LGSN: variants seen among roughly 807,000 people sequenced by gnomAD.
The protein encoded by LGSN is lengsin, lens protein with glutamine synthetase domain.
A neutral mutation model predicts 19.5 loss-of-function variants in LGSN; 21 were observed. The observed-to-expected ratio is 1.07, with a 90% CI of 0.76 to 1.55. The LOEUF (loss-of-function observed/expected upper bound fraction) is 1.55, where lower values mean the gene tolerates loss of function less well. Among genes scored for constraint, LGSN ranks in the 40% most tolerant of loss-of-function variants. LGSN has a pLI of 0.00. For synonymous variants in LGSN, 257 were observed against 215.6 expected (o/e 1.19, Z -1.68); for missense variants, 673 against 608.5 (o/e 1.11, Z -1.12).
the LGSN span, among the ~76,000 whole-genome samples, chr6:63,526,816 T>TATAC: frequency 7.0e-6 from 1 of 141,964 alleles, no homozygotes; most frequent in Non-Finnish European, 1.5e-5. Context: ...TATATATATA[T>TATAC]ATATATATAT....
At chr6:63,557,834 A>G in the LGSN span, among the ~76,000 whole-genome samples, 2 of 152,012 alleles carry the variant, frequency 1.3e-5, no homozygotes, top group African/African-American at 4.8e-5. Context: ...TCATTGGAGG[A>G]TTTTGAGAAA....
the LGSN span, among the ~76,000 whole-genome samples, chr6:63,331,279 T>C: frequency 7.9e-5 from 12 of 152,256 alleles, no homozygotes; most frequent in South Asian, 6.2e-4. Context: ...AGCTTGGACA[T>C]AAGGTATTTC....
At chr6:63,554,801 A>G in the LGSN span, among the ~76,000 whole-genome samples, 1 of 152,056 alleles carries the variant, frequency 6.6e-6, no homozygotes, top group Admixed American at 6.5e-5. Flanking sequence ...AAATGGAACA[A>G]TTTATCAAGC....
chr6:63,390,878 GA>G, the LGSN span, among the ~76,000 whole-genome samples: 2 of 121,046 alleles, frequency 1.7e-5, no homozygotes, highest in Middle Eastern at 4.3e-3. Context: ...AAAAAAAAAA[GA>G]AAAGAAAATT....
chr6:63,499,043 G>C, the LGSN span, among the ~76,000 whole-genome samples: 1 of 152,052 alleles, frequency 6.6e-6, no homozygotes, highest in Non-Finnish European at 1.5e-5. Context: ...TAGGAATTTA[G>C]AAAAATGTAT....
chr6:63,313,827 C>A (rs1768728644), intron 1 of LGSN, among the ~76,000 whole-genome samples: 4 of 151,216 alleles, frequency 2.6e-5, no homozygotes, highest in Middle Eastern at 3.4e-3. Flanking sequence ...CAGAGTGAGA[C>A]CCTGTCTCAA....
the LGSN span, among the ~76,000 whole-genome samples, chr6:63,347,303 C>T: frequency 6.6e-6 from 1 of 151,874 alleles, no homozygotes; most frequent in African/African-American, 2.4e-5. Flanking sequence ...ATTTTAAAAC[C>T]AGTCTTTTTT....
chr6:63,352,250 C>T, the LGSN span, among the ~76,000 whole-genome samples: 2 of 152,106 alleles, frequency 1.3e-5, no homozygotes, highest in Non-Finnish European at 2.9e-5. Context: ...GGGAATTTTC[C>T]AAAACTCACA....
intron 2 of LGSN, among the ~76,000 whole-genome samples, chr6:63,292,840 T>G (rs944376328): frequency 6.6e-6 from 1 of 152,194 alleles, no homozygotes; most frequent in African/African-American, 2.4e-5. Context: ...AGTAAGTCTT[T>G]CCAGCAAATT....
chr6:63,498,274 CA>C, the LGSN span, among the ~76,000 whole-genome samples: 2 of 151,906 alleles, frequency 1.3e-5, no homozygotes, highest in Non-Finnish European at 2.9e-5. Context: ...AATGATTTGC[CA>C]AAAGTATCTC....
chr6:63,378,509 G>C, the LGSN span, among the ~76,000 whole-genome samples: 426 of 152,334 alleles, frequency 2.8e-3, 4 homozygotes, highest in African/African-American at 9.7e-3. Flanking sequence ...CTGAGGCTGA[G>C]TAATTTATAA....
chr6:63,336,465 C>T, the LGSN span, among the ~76,000 whole-genome samples: 2 of 151,762 alleles, frequency 1.3e-5, no homozygotes, highest in East Asian at 3.9e-4. Flanking sequence ...CATGCCTTCA[C>T]TCCCATGCTG....
the LGSN span, among the ~76,000 whole-genome samples, chr6:63,420,857 G>A: frequency 6.6e-6 from 1 of 152,018 alleles, no homozygotes; most frequent in Non-Finnish European, 1.5e-5. Context: ...GTTTCAATGA[G>A]CAATTGTGAA....
chr6:63,434,075 G>T, the LGSN span, among the ~76,000 whole-genome samples: 1 of 152,182 alleles, frequency 6.6e-6, no homozygotes, highest in South Asian at 2.1e-4. Context: ...ACTTTAGTCT[G>T]AAAGGTCAGA....
the LGSN span, among the ~76,000 whole-genome samples, chr6:63,547,135 C>A: frequency 6.6e-6 from 1 of 151,808 alleles, no homozygotes; most frequent in East Asian, 1.9e-4. Flanking sequence ...ATTAATCACT[C>A]TCAAGAGAAT....
chr6:63,505,605 G>GAAATAAAT, the LGSN span, among the ~76,000 whole-genome samples: 508 of 114,110 alleles, frequency 4.5e-3, 41 homozygotes, highest in East Asian at 9.3e-3. Context: ...AAGAAAGAAA[G>GAAATAAAT]AAAGAAAGAA....
chr6:63,368,407 G>C, the LGSN span, among the ~76,000 whole-genome samples: 1 of 152,128 alleles, frequency 6.6e-6, no homozygotes, highest in Non-Finnish European at 1.5e-5. Flanking sequence ...TCTCACTCTT[G>C]TCCCCTCCGT....
the LGSN span, among the ~76,000 whole-genome samples, chr6:63,507,240 A>C: frequency 6.6e-6 from 1 of 152,114 alleles, no homozygotes; most frequent in Non-Finnish European, 1.5e-5. Context: ...GTGAGAATTC[A>C]TGTGTAAACT....
the LGSN span, among the ~76,000 whole-genome samples, chr6:63,544,656 G>A: frequency 3.3e-5 from 5 of 151,986 alleles, no homozygotes; most frequent in East Asian, 1.9e-4. Flanking sequence ...TGACCTTGAC[G>A]TTTCTGATTA....
Sources: allele counts gnomAD v4.1 joint callset (sites outside exome capture counted in the v4.1 genomes callset), GRCh38; gene constraint gnomAD v4.1.1; transcripts MANE v1.5; gene names NCBI Gene and HGNC (gene_info 2026-07-23, HGNC 2026-07-21).